DACH2: variants seen among roughly 807,000 people sequenced by gnomAD.
DACH2 encodes the protein dachshund homolog 2.
DACH2 carries 17 observed loss-of-function variants against 35.8 expected under a neutral mutation model. The ratio of observed to expected loss-of-function variants is 0.48; its 90% confidence interval spans 0.33 to 0.71. DACH2 has a LOEUF of 0.71. DACH2 is among the 30% of genes least tolerant of loss of function. The probability of loss-of-function intolerance (pLI) is 0.02; values close to 1 mark genes in which losing one functional copy is unlikely to be tolerated. For missense variants in DACH2, 469 were observed against 472.7 expected, an observed-to-expected ratio of 0.99 and a Z score of 0.07; for synonymous variants, 195 against 177.3, an observed-to-expected ratio of 1.10 and a Z score of -0.79.
chrX:86,776,724 C>T (rs1248256489), intron 7 of DACH2, among the ~76,000 whole-genome samples: 3 of 111,044 alleles, frequency 2.7e-5, no homozygotes, highest in African/African-American at 9.8e-5. Flanking sequence ...TCTCCTAATG[C>T]TATCCCTCCC....
At chrX:86,252,885 T>C (rs1377469957) in intron 1 of DACH2, among the ~76,000 whole-genome samples, 3 of 110,900 alleles carry the variant, frequency 2.7e-5, no homozygotes, top group African/African-American at 9.8e-5. Context: ...TTATTACTTC[T>C]ATTCAACATA....
intron 2 of DACH2, among the ~76,000 whole-genome samples, chrX:86,445,161 C>G (rs1452583060): frequency 9.1e-6 from 1 of 109,801 alleles, no homozygotes; most frequent in East Asian, 2.9e-4. Context: ...GTATATTGCT[C>G]TTAGAATTGC....
At chrX:86,724,587 C>T (rs1056305773) in intron 6 of DACH2, among the ~76,000 whole-genome samples, 10 of 111,535 alleles carry the variant, frequency 9.0e-5, no homozygotes, top group Admixed American at 5.7e-4. Context: ...CCTTTATAGA[C>T]GACTAGATGT....
chrX:86,735,529 T>C (rs186724243), intron 6 of DACH2, among the ~76,000 whole-genome samples: 2 of 111,949 alleles, frequency 1.8e-5, no homozygotes, highest in African/African-American at 6.4e-5. Context: ...TACTAATTAA[T>C]AGCATTTTCC....
intron 3 of DACH2, among the ~76,000 whole-genome samples, chrX:86,619,540 T>C (rs952698201): frequency 8.9e-6 from 1 of 112,260 alleles, no homozygotes; most frequent in Non-Finnish European, 1.9e-5. Flanking sequence ...GTAACTATTC[T>C]GAAAATTGTC....
chrX:86,526,941 T>C (rs1235004436), intron 3 of DACH2, among the ~76,000 whole-genome samples: 4 of 110,263 alleles, frequency 3.6e-5, no homozygotes, highest in Non-Finnish European at 5.7e-5. Context: ...AGAACTATAG[T>C]AATATAGAAA....
intron 2 of DACH2, among the ~76,000 whole-genome samples, chrX:86,420,588 C>T (rs1288412628): frequency 9.0e-6 from 1 of 111,368 alleles, no homozygotes; most frequent in Non-Finnish European, 1.9e-5. Flanking sequence ...GTCATATTTT[C>T]CCAGCGGCTT....
chrX:86,555,832 G>A (rs1310121689), intron 3 of DACH2, among the ~76,000 whole-genome samples: 2 of 111,359 alleles, frequency 1.8e-5, no homozygotes, highest in Non-Finnish European at 3.8e-5. Flanking sequence ...CATCCCTCTG[G>A]ATTTTAATGC....
intron 3 of DACH2, among the ~76,000 whole-genome samples, chrX:86,531,600 T>G (rs776421953): frequency 8.9e-6 from 1 of 112,708 alleles, no homozygotes; most frequent in African/African-American, 3.2e-5. Context: ...TTTCAGAACT[T>G]CTGCCTAGAT....
chrX:86,342,155 T>G (rs1027306633), intron 1 of DACH2, among the ~76,000 whole-genome samples: 2 of 111,298 alleles, frequency 1.8e-5, no homozygotes, highest in Admixed American at 1.9e-4. Context: ...CAGGGAAATA[T>G]TTTGAGAAAG....
At chrX:86,743,119 C>T (rs1569476911) in intron 7 of DACH2, among the ~76,000 whole-genome samples, 1 of 111,421 alleles carries the variant, frequency 9.0e-6, no homozygotes, top group East Asian at 2.8e-4. Context: ...GGAGCTGCTT[C>T]CCTCAATCCT....
At chrX:86,373,842 T>C (rs530547929) in intron 1 of DACH2, among the ~76,000 whole-genome samples, 2 of 111,774 alleles carry the variant, frequency 1.8e-5, no homozygotes, top group South Asian at 7.3e-4. Flanking sequence ...TTGCAGTAGA[T>C]AATTCCAAAA....
At chrX:86,797,317 T>C (rs1448351967) in intron 7 of DACH2, among the ~76,000 whole-genome samples, 1 of 110,364 alleles carries the variant, frequency 9.1e-6, no homozygotes, top group African/African-American at 3.3e-5. Context: ...AGTATATATA[T>C]AATATATATT....
rs184646535 is a variant in DACH2, at chrX:86,739,347, T to G, written c.1105-400T>G. 1.5e-4 allele frequency among the ~76,000 whole-genome samples: 16 copies of G among 108,785 alleles called. No individual in the cohort carries two copies. The East Asian group carries it at 4.5e-3, about 31-fold the overall frequency. 94.5% of individuals were successfully genotyped at this position (108,785 alleles called of 115,157 possible). ...TTCCAGGGCTCTCAAGTCTTTACAT[T>G]TGGGAGTTCTCCTTCTTAATGAGAT... On this transcript the variant is annotated intron_variant, in intron 6 of 11. Transcript: ENST00000373125.
intron 3 of DACH2, among the ~76,000 whole-genome samples, chrX:86,620,454 C>T (rs914071814): frequency 3.6e-5 from 4 of 111,283 alleles, no homozygotes; most frequent in African/African-American, 1.3e-4. Context: ...GGCTTTCTCA[C>T]ACTGACACTC....
intron 2 of DACH2, among the ~76,000 whole-genome samples, chrX:86,504,227 C>A (rs2038290783): frequency 9.0e-6 from 1 of 110,586 alleles, no homozygotes; most frequent in Non-Finnish European, 1.9e-5. Flanking sequence ...GGTCAAGTTT[C>A]TCGGGGCCAC....
chrX:86,276,569 C>T (rs769352682), intron 1 of DACH2, among the ~76,000 whole-genome samples: 1 of 99,803 alleles, frequency 1.0e-5, no homozygotes, highest in Non-Finnish European at 2.0e-5. Context: ...GCTTTGGTTG[C>T]CTGTGCTTGT....
At chrX:86,463,687 A>G (rs1220756320) in intron 2 of DACH2, among the ~76,000 whole-genome samples, 1 of 111,902 alleles carries the variant, frequency 8.9e-6, no homozygotes, top group Non-Finnish European at 1.9e-5. Context: ...GATCTAGTCA[A>G]ACTAAAGAGC....
intron 1 of DACH2, among the ~76,000 whole-genome samples, chrX:86,201,546 T>C (rs1020198371): frequency 3.6e-5 from 4 of 111,542 alleles, no homozygotes; most frequent in Non-Finnish European, 7.5e-5. Flanking sequence ...TTTATTGCCA[T>C]CTCTTAAGCT....
Sources: allele counts gnomAD v4.1 joint callset (sites outside exome capture counted in the v4.1 genomes callset), GRCh38; gene constraint gnomAD v4.1.1; transcripts MANE v1.5; gene names NCBI Gene and HGNC (gene_info 2026-07-23, HGNC 2026-07-21).